Variants in XRCC1 observed in about 807,000 individuals in gnomAD.
XRCC1 encodes DNA repair protein XRCC1.
In XRCC1, 52 loss-of-function variants were observed where a neutral mutation model predicts 83.3. The ratio of observed to expected loss-of-function variants is 0.62; its 90% CI spans 0.50 to 0.79. The LOEUF is 0.79. Among genes scored for constraint, XRCC1 ranks in the 30% least tolerant of loss-of-function variants. XRCC1 has a pLI of 0.00. For synonymous variants in XRCC1, 281 were observed against 312.6 expected, an observed-to-expected ratio of 0.90 and a Z score of 1.07; for missense variants, 793 against 823.5, an observed-to-expected ratio of 0.96 and a Z score of 0.45.
At chr19:43,547,581 G>A (rs1355378677) in intron 10 of XRCC1, among the ~76,000 whole-genome samples, 1 of 151,466 alleles carries the variant, frequency 6.6e-6, no homozygotes, top group Admixed American at 6.6e-5. Flanking sequence ...CCCAGGGTTC[G>A]AGCGAGTCTC....
At chr19:43,550,012 AG>A (rs1287198381) in intron 10 of XRCC1, among the ~76,000 whole-genome samples, 6 of 151,946 alleles carry the variant, frequency 3.9e-5, no homozygotes, top group Non-Finnish European at 5.9e-5. Context: ...CAGCCTACTC[AG>A]GAGTCCCCAC....
intron 3 of XRCC1, among the ~76,000 whole-genome samples, chr19:43,558,461 C>A (rs1972661708): frequency 6.6e-6 from 1 of 151,926 alleles, no homozygotes; most frequent in Non-Finnish European, 1.5e-5. Flanking sequence ...CACAGTGAAA[C>A]CCTATTTCTA....
Position 43,546,716 on chromosome 19 carries a change from G to C in XRCC1, c.1305C>G (p.Thr435=). 6.2e-7 allele frequency: 1 copy of C among 1,609,050 alleles called. No homozygotes were observed. The highest frequency in any genetic ancestry group is 8.5e-7 in the Non-Finnish European group (1 of 1,178,184). Residue 435 remains threonine (T), a synonymous_variant, in exon 12 of 17, where the codon ACC becomes ACG. Transcript: ENST00000262887. ...APKLPQKQPQ[T]KTKPTQAAGP... ...CAGCTGCCTGAGTGGGCTTGGTTTTGGTCTGGGGTTGCTAAGGAGGGAGAG... is the reference window on the plus strand; with the variant it reads ...CAGCTGCCTGAGTGGGCTTGGTTTTCGTCTGGGGTTGCTAAGGAGGGAGAG...
chr19:43,570,442 G>A (rs1393733281), intron 2 of XRCC1, among the ~76,000 whole-genome samples: 2 of 152,224 alleles, frequency 1.3e-5, no homozygotes, highest in African/African-American at 2.4e-5. Flanking sequence ...GTAAGATCGA[G>A]ATTTTGCATA....
Position 43,552,085 on chromosome 19 carries a change from C to A in XRCC1, c.1014G>T (p.Leu338=), listed in dbSNP as rs1441024962. Residue 338 remains leucine (L), a synonymous_variant, in exon 9 of 17, where the codon CTG becomes CTT. Coordinates refer to ENST00000262887, the MANE Select transcript of XRCC1 (RefSeq NM_006297.3). ...CCCCAAGCTCTAGGGCCTTATCTCG[C>A]AGCTCGGAGCGGAAGGGGTTCTGGA... is the stretch of plus-strand genomic sequence containing the variant. ...SGFQNPFRSE[L]RDKALELGAK... The A allele has an allele frequency of 6.2e-7, 1 of 1,613,970 alleles. No individual in the cohort carries two copies. The highest frequency in any genetic ancestry group is 8.5e-7 in the Non-Finnish European group (1 of 1,180,002).
At chr19:43,553,784 T>C in intron 4 of XRCC1, 101 bp from the exon 5 acceptor site, 1 of 956,782 alleles carries the variant, frequency 1.0e-6, no homozygotes, top group Non-Finnish European at 1.6e-6. Context: ...GCTCCTTCCC[T>C]CTCATGAACA....
chr19:43,543,744 C>T (rs1419763176), intron 15 of XRCC1, 57 bp from the exon 16 acceptor site: 19 of 1,536,646 alleles, frequency 1.2e-5, no homozygotes, highest in Non-Finnish European at 1.6e-5. Flanking sequence ...CACTGACGTC[C>T]TACTCCCCAG....
rs576470822 is a variant in XRCC1 at position 43,546,470 on chromosome 19, T to C, written c.1426+125A>G. On this transcript the variant is annotated intron_variant, in intron 12 of 16. Coordinates refer to ENST00000262887, the MANE Select transcript of XRCC1 (RefSeq NM_006297.3). Reference sequence around the variant, plus strand: ...CAGGAGTCCAGGTCCCCAGGCTCTCTTCCCTCAGACTCAGGAGTCCAGGCC... The same window carrying C: ...CAGGAGTCCAGGTCCCCAGGCTCTCCTCCCTCAGACTCAGGAGTCCAGGCC... The C allele has an allele frequency of 6.1e-5, 66 of 1,075,506 alleles. 1 individual carries two copies. The Middle Eastern group carries it at 2.3e-3, about 38-fold the overall frequency. The allele number at this position is 1,075,506 out of a possible 1,614,324, so 66.6% of individuals were successfully genotyped here.
Position 43,552,132 on chromosome 19 carries a change from C to CA in XRCC1, c.966dup (p.Val323CysfsTer19). The CA allele has an allele frequency of 6.2e-7, 1 of 1,614,132 alleles. No individual in the cohort carries two copies. Among genetic ancestry groups the CA allele is most frequent in the Admixed American group, 1.7e-5 (1 of 60,016 alleles). On this transcript the variant is annotated frameshift_variant, in exon 9 of 17. Transcript: ENST00000262887. LOFTEE classifies it high-confidence loss of function. ...TGGAAGCCACTCAGCACCACTACCA[C>CA]ACCCTGAAGGATCTTCCCCAGCTCC...
In XRCC1 at chr19:43,554,639, T is replaced by C. The variant is rs764264874; in HGVS notation, c.414+7A>G. The C allele has an allele frequency of 1.9e-6, 3 of 1,608,334 alleles. No individual in the cohort carries two copies. The highest frequency in any genetic ancestry group is 3.4e-5 in the Admixed American group (2 of 59,288). The stretch of plus-strand genomic sequence containing the variant: ...GGACTCTGCACCCTGGCTCCCACCC[T>C]AGGTACCTTGCTGTAGGGCTGGCTG... On this transcript the variant is annotated splice_region_variant and intron_variant, in intron 4 of 16. Transcript: ENST00000262887.
chr19:43,574,734 G>T, intron 2 of XRCC1, 176 bp downstream of exon 2: 1 of 599,760 alleles, frequency 1.7e-6, no homozygotes, highest in Admixed American at 2.8e-5. Flanking sequence ...CTTAATCCTT[G>T]GGTCTCCTTT....
chr19:43,567,817 C>G (rs944916480), intron 2 of XRCC1, among the ~76,000 whole-genome samples: 4 of 151,096 alleles, frequency 2.6e-5, no homozygotes, highest in African/African-American at 4.9e-5. Context: ...CACAGGAAGG[C>G]AAAGTTCCTG....
At chr19:43,575,024 G>A (rs1358111618) in intron 1 of XRCC1, 22 bp from the exon 2 acceptor site, 2 of 1,588,518 alleles carry the variant, frequency 1.3e-6, no homozygotes, top group Non-Finnish European at 1.7e-6. Context: ...AGTGGGAGAG[G>A]AGAATTAGGG....
chr19:43,574,511 A>G lies in XRCC1; in HGVS notation c.144+399T>C. 3 of 182,542 alleles carry G rather than the reference A, an allele frequency of 1.6e-5. No homozygotes were observed. The South Asian group carries it at 3.3e-4, about 20-fold the overall frequency. The allele number at this position is 182,542 out of a possible 1,614,324, so 11.3% of individuals were successfully genotyped here. A position where few individuals can be genotyped will look rare whatever the true frequency, so the allele number is the denominator to read the frequency against. Reference sequence around the variant, plus strand: ...CTCTGAAAGTGCTGGGTTTACAGGCATGAGCCACGGCATCCGGCCAGTTTC... The same window carrying G: ...CTCTGAAAGTGCTGGGTTTACAGGCGTGAGCCACGGCATCCGGCCAGTTTC... On this transcript the variant is annotated intron_variant, in intron 2 of 16. Transcript: ENST00000262887.
Position 43,554,647 on chromosome 19 carries a change from T to C in XRCC1, c.413A>G (p.Lys138Arg), listed in dbSNP as rs1364638665. 1.1e-5 allele frequency: 17 copies of C among 1,610,212 alleles called. No individual in the cohort carries two copies. Among genetic ancestry groups the C allele is most frequent in the East Asian group, 2.2e-5 (1 of 44,766 alleles). ...VKIVCSQPYS[K>R]DSPFGLSFVR... ...CACCCTGGCTCCCACCCTAGGTACCTTGCTGTAGGGCTGGCTGCAAACAAT... is the reference window on the plus strand; with the variant it reads ...CACCCTGGCTCCCACCCTAGGTACCCTGCTGTAGGGCTGGCTGCAAACAAT... Residue 138 changes from lysine (K) to arginine (R), a missense_variant and splice_region_variant, in exon 4 of 17, where the codon AAG (lysine) becomes AGG (arginine). Transcript: ENST00000262887.
At chr19:43,561,923 G>A (rs1481651858) in intron 2 of XRCC1, among the ~76,000 whole-genome samples, 2 of 152,108 alleles carry the variant, frequency 1.3e-5, no homozygotes, top group Non-Finnish European at 2.9e-5. Context: ...CACTCTGCGA[G>A]GCCAAGGCAG....
At chr19:43,575,232 G>A (rs1353586637) in intron 1 of XRCC1, among the ~76,000 whole-genome samples, 176 bp downstream of exon 1, 1 of 152,176 alleles carries the variant, frequency 6.6e-6, no homozygotes, top group Non-Finnish European at 1.5e-5. Context: ...CTCTCCGGAA[G>A]TTCCCTAGAC....
At position 43,546,630 on chromosome 19, in the gene XRCC1, A is replaced by G; in HGVS notation, c.1391T>C (p.Leu464Pro). ...CCCCTCAATGTCTATATCTTCCTGGAGCACTGGTGAGGCTGCTTTGGTCTC... is the reference window on the plus strand; with the variant it reads ...CCCCTCAATGTCTATATCTTCCTGGGGCACTGGTGAGGCTGCTTTGGTCTC... ...PEETKAASPV[L>P]QEDIDIEGVQ... The change falls in exon 12 of 17, where the codon CTC becomes CCC. Residue 464 changes from leucine (L) to proline (P), a missense_variant. Transcript: ENST00000262887. The G allele has an allele frequency of 6.2e-7, 1 of 1,611,522 alleles. No homozygotes were observed. The highest frequency in any genetic ancestry group is 8.5e-7 in the Non-Finnish European group (1 of 1,179,346).
intron 1 of XRCC1, 46 bp from the exon 2 acceptor site, chr19:43,575,048 G>T: frequency 2.7e-6 from 4 of 1,484,964 alleles, no homozygotes; most frequent in Non-Finnish European, 3.8e-6. Flanking sequence ...AGAGATGACA[G>T]CTAGGCCTCC....
Sources: gnomAD v4.1 joint callset for allele counts (sites outside exome capture counted in the v4.1 genomes callset) on GRCh38, gnomAD v4.1.1 for gene constraint, MANE v1.5 for transcripts, NCBI Gene and HGNC (gene_info 2026-07-23, HGNC 2026-07-21) for gene names.